Variants in EHMT1 observed in about 807,000 individuals in gnomAD.
The protein encoded by EHMT1 is histone-lysine N-methyltransferase EHMT1.
EHMT1 carries 15 observed loss-of-function variants against 147.2 expected under a neutral mutation model. That is an observed-to-expected ratio of 0.10 (90% CI 0.07 to 0.16). EHMT1 has a LOEUF of 0.16. Among genes scored for constraint, EHMT1 ranks in the 10% least tolerant of loss-of-function variants. The probability of loss-of-function intolerance (pLI) is 1.00; values close to 1 mark genes in which losing one functional copy is unlikely to be tolerated. For missense variants in EHMT1, 1,587 were observed against 1,772.4 expected, an observed-to-expected ratio of 0.90 and a Z score of 1.88; for synonymous variants, 795 against 709.6, an observed-to-expected ratio of 1.12 and a Z score of -1.91.
intron 16 of EHMT1, among the ~76,000 whole-genome samples, chr9:137,791,174 C>T (rs1952496105): frequency 1.3e-5 from 2 of 152,146 alleles, no homozygotes; most frequent in African/African-American, 4.8e-5. Flanking sequence ...TCTACAGAGC[C>T]TGACAACAGA....
intron 3 of EHMT1, among the ~76,000 whole-genome samples, chr9:137,721,464 ACGCCTCTCACCCTCTCC>A (rs1946025946): frequency 4.9e-5 from 1 of 20,450 alleles, no homozygotes; most frequent in Non-Finnish European, 8.5e-5. Context: ...ACCCTCTCCC[ACGCCTCTCACCCTCTCC>A]CACGCCTCTC....
At chr9:137,721,306 C>G in intron 3 of EHMT1, among the ~76,000 whole-genome samples, 1 of 145,086 alleles carries the variant, frequency 6.9e-6, no homozygotes, top group South Asian at 2.3e-4. Context: ...CACCCCCTCC[C>G]AGACTTCTCA....
intron 1 of EHMT1, among the ~76,000 whole-genome samples, chr9:137,621,866 G>T (rs1038009475): frequency 2.0e-5 from 3 of 150,704 alleles, no homozygotes; most frequent in Non-Finnish European, 3.0e-5. Context: ...TTAAAATAAT[G>T]CAGGCACGTG....
chr9:137,671,882 G>A (rs906890526), intron 1 of EHMT1, among the ~76,000 whole-genome samples: 8 of 152,176 alleles, frequency 5.3e-5, no homozygotes, highest in African/African-American at 1.9e-4. Flanking sequence ...CTGCAGTGCT[G>A]TGGTCCAGGC....
chr9:137,740,672 T>G (rs957579769), intron 4 of EHMT1, among the ~76,000 whole-genome samples: 1 of 117,882 alleles, frequency 8.5e-6, no homozygotes, highest in Non-Finnish European at 1.6e-5. Context: ...TCTCTACTAT[T>G]TAATGTGTAG....
At chr9:137,640,284 T>C (rs1209333756) in intron 1 of EHMT1, among the ~76,000 whole-genome samples, 1 of 151,944 alleles carries the variant, frequency 6.6e-6, no homozygotes, top group Non-Finnish European at 1.5e-5. Context: ...TTTTGTTTTA[T>C]TTTTGTGTGT....
chr9:137,684,731 G>A (rs1413647382), intron 1 of EHMT1, among the ~76,000 whole-genome samples: 1 of 151,994 alleles, frequency 6.6e-6, no homozygotes, highest in East Asian at 1.9e-4. Context: ...GAGCTCAGGC[G>A]ATCTCCACCT....
At chr9:137,754,373 C>G in intron 8 of EHMT1, 82 bp downstream of exon 8, 1 of 1,571,278 alleles carries the variant, frequency 6.4e-7, no homozygotes, top group Non-Finnish European at 8.7e-7. Flanking sequence ...GGTTGGGGTG[C>G]GTAGGATTTC....
chr9:137,691,309 T>TTATATATATATATATA (rs543280328), intron 1 of EHMT1, among the ~76,000 whole-genome samples: 3 of 147,568 alleles, frequency 2.0e-5, no homozygotes, highest in African/African-American at 7.5e-5. Context: ...ATATATGTAA[T>TTATATATATATATATA]TATATATATA....
intron 6 of EHMT1, among the ~76,000 whole-genome samples, chr9:137,749,697 G>A (rs563072539): frequency 6.6e-6 from 1 of 152,326 alleles, no homozygotes; most frequent in East Asian, 1.9e-4. Context: ...TATGCACAGT[G>A]ATCAAGCAGC....
At chr9:137,834,233 A>G in intron 25 of EHMT1, 116 bp from the exon 26 acceptor site, 1 of 1,370,878 alleles carries the variant, frequency 7.3e-7, no homozygotes, top group East Asian at 2.5e-5. Flanking sequence ...CCCCTCCTGC[A>G]TGGCGGGCCT....
intron 1 of EHMT1, among the ~76,000 whole-genome samples, chr9:137,685,029 G>C (rs895377767): frequency 5.9e-5 from 9 of 152,052 alleles, no homozygotes; most frequent in African/African-American, 1.9e-4. Context: ...GCATCTGTAA[G>C]GTTTGTTTGT....
At chr9:137,781,903 C>G (rs1353182269) in intron 14 of EHMT1, among the ~76,000 whole-genome samples, 1 of 152,202 alleles carries the variant, frequency 6.6e-6, no homozygotes, top group Non-Finnish European at 1.5e-5. Context: ...GGGAATTGAC[C>G]GATGCTCAGG....
At chr9:137,646,638 G>A (rs1004900708) in intron 1 of EHMT1, among the ~76,000 whole-genome samples, 1 of 152,168 alleles carries the variant, frequency 6.6e-6, no homozygotes, top group Non-Finnish European at 1.5e-5. Flanking sequence ...GAGGTGTGGC[G>A]CAGTTCTGTT....
At chr9:137,660,652 C>T (rs1938981086) in intron 1 of EHMT1, among the ~76,000 whole-genome samples, 1 of 152,108 alleles carries the variant, frequency 6.6e-6, no homozygotes, top group South Asian at 2.1e-4. Context: ...TGTGTGAATC[C>T]ACATCTTCAC....
chr9:137,777,745 C>T lies in EHMT1; in HGVS notation c.2019-137C>T, dbSNP rs17064836. The T allele has an allele frequency of 1.7e-3, 2,214 of 1,311,570 alleles. 40 individuals carry two copies. In the African/African-American group the frequency reaches 0.028, roughly 16 times the overall value. 81.2% of individuals were successfully genotyped at this position (1,311,570 alleles called of 1,614,324 possible). A position where few individuals can be genotyped will look rare whatever the true frequency, so the allele number is the denominator to read the frequency against. On this transcript the variant is annotated intron_variant, in intron 12 of 26. Coordinates refer to ENST00000460843, the MANE Select transcript of EHMT1 (RefSeq NM_024757.5). ...GGAAATTTGGTTCTGAATCCTGAAC[C>T]GTTAAATCCAGGGACTAAGCGGACA...
At chr9:137,832,287 C>CT (rs1426322355) in intron 25 of EHMT1, among the ~76,000 whole-genome samples, 2 of 144,314 alleles carry the variant, frequency 1.4e-5, no homozygotes, top group Non-Finnish European at 3.0e-5. Context: ...CACGTGGCCT[C>CT]TGCACCTCGC....
intron 25 of EHMT1, chr9:137,834,007 C>T (rs879882993): frequency 5.4e-6 from 2 of 367,682 alleles, no homozygotes; most frequent in Admixed American, 4.1e-5. Context: ...CTATTGGTGC[C>T]AGACAGCCCC....
intron 25 of EHMT1, among the ~76,000 whole-genome samples, chr9:137,818,368 G>A (rs1955095899): frequency 6.6e-6 from 1 of 152,220 alleles, no homozygotes; most frequent in Admixed American, 6.5e-5. Flanking sequence ...GCAGCCAACT[G>A]CCCCTTTCTT....
Sources: allele counts gnomAD v4.1 joint callset (sites outside exome capture counted in the v4.1 genomes callset), GRCh38; gene constraint gnomAD v4.1.1; transcripts MANE v1.5; gene names NCBI Gene and HGNC (gene_info 2026-07-23, HGNC 2026-07-21).